Variants in CCM2 observed in about 807,000 individuals in gnomAD.
CCM2 encodes CCM2 scaffold protein, also known as cerebral cavernous malformations 2 protein.
Under a neutral mutation model 44.9 loss-of-function variants are expected in CCM2, and 25 were observed. That is an observed-to-expected ratio of 0.56 (90% CI 0.41 to 0.78). The LOEUF (loss-of-function observed/expected upper bound fraction) is 0.78. CCM2 is among the 30% of genes least tolerant of loss of function. The probability of loss-of-function intolerance (pLI) is 0.00; values close to 1 mark genes in which losing one functional copy is unlikely to be tolerated. For synonymous variants in CCM2, 219 were observed against 241.1 expected (o/e 0.91, Z 0.85); for missense variants, 481 against 580.6 (o/e 0.83, Z 1.76).
chr7:45,075,235 C>T (rs1334789275), intron 9 of CCM2, among the ~76,000 whole-genome samples: 2 of 152,362 alleles, frequency 1.3e-5, no homozygotes, highest in East Asian at 3.9e-4. Context: ...GTCTGCCCCT[C>T]CACATCGGGG....
chr7:45,033,919 A>G (rs1797086540), intron 1 of CCM2, among the ~76,000 whole-genome samples: 1 of 152,182 alleles, frequency 6.6e-6, no homozygotes, highest in Non-Finnish European at 1.5e-5. Flanking sequence ...AAATTGCATC[A>G]CTAAATTTTG....
intron 1 of CCM2, among the ~76,000 whole-genome samples, chr7:45,033,044 C>CA (rs60956411): frequency 0.67 from 38,927 of 58,058 alleles, 15,723 homozygotes; most frequent in East Asian, 0.92. Flanking sequence ...AACTCCGTCT[C>CA]AAAAAAAAAA....
chr7:45,038,502 G>A, intron 2 of CCM2, 76 bp downstream of exon 2: 1 of 1,458,740 alleles, frequency 6.9e-7, no homozygotes, highest in Non-Finnish European at 9.6e-7. Flanking sequence ...AGACACTCTT[G>A]AGTTTATAAG....
At chr7:45,014,528 G>C (rs1466588374) in intron 1 of CCM2, among the ~76,000 whole-genome samples, 1 of 151,606 alleles carries the variant, frequency 6.6e-6, no homozygotes, top group African/African-American at 2.4e-5. Flanking sequence ...GCCCACGCTA[G>C]TCTTGAACTC....
intron 1 of CCM2, among the ~76,000 whole-genome samples, chr7:45,002,795 C>T (rs567889687): frequency 6.6e-4 from 101 of 152,240 alleles, no homozygotes; most frequent in African/African-American, 2.2e-3. Context: ...CCATGAAACT[C>T]ACTGGGTGAT....
At chr7:45,023,328 T>C (rs1256327336) in intron 1 of CCM2, among the ~76,000 whole-genome samples, 1 of 152,086 alleles carries the variant, frequency 6.6e-6, no homozygotes, top group African/African-American at 2.4e-5. Flanking sequence ...GGAGGGTGGA[T>C]CACCTGAGGT....
At chr7:45,060,868 A>G (rs1475373564) in intron 2 of CCM2, among the ~76,000 whole-genome samples, 2 of 152,152 alleles carry the variant, frequency 1.3e-5, no homozygotes, top group East Asian at 1.9e-4. Flanking sequence ...AGCCATTACC[A>G]TATTAATCGT....
intron 1 of CCM2, among the ~76,000 whole-genome samples, chr7:45,011,253 A>G (rs1020610204): frequency 9.3e-5 from 14 of 151,246 alleles, no homozygotes; most frequent in African/African-American, 2.7e-4. Context: ...TTGGAGTGCA[A>G]TGGTGCGATC....
intron 1 of CCM2, among the ~76,000 whole-genome samples, chr7:45,034,384 G>A (rs1797111702): frequency 6.6e-6 from 1 of 151,744 alleles, no homozygotes. Flanking sequence ...GCTAATTTTT[G>A]GTATTTTAAG....
At chr7:45,062,837 A>AG (rs1259125406) in intron 2 of CCM2, among the ~76,000 whole-genome samples, 1 of 151,694 alleles carries the variant, frequency 6.6e-6, no homozygotes, top group Non-Finnish European at 1.5e-5. Flanking sequence ...AAAAAAAAAA[A>AG]AAAAATCGTA....
At position 45,076,069 on chromosome 7, in the gene CCM2, T is replaced by TG. The variant is rs3214691; in HGVS notation, c.*19dup. The TG allele has an allele frequency of 7.7e-5, 124 of 1,612,458 alleles. No individual in the cohort carries two copies. Among genetic ancestry groups the TG allele is most frequent in the Non-Finnish European group, 8.6e-5 (102 of 1,179,942 alleles). On this transcript the variant is annotated 3_prime_UTR_variant, in exon 10 of 10. Coordinates refer to ENST00000258781, the MANE Select transcript of CCM2 (RefSeq NM_031443.4). The stretch of plus-strand genomic sequence containing the variant: ...AGGACTCAGCATGATGGACAGTGGA[T>TG]GGGGGGGCACCCACACCTTCCGCGC...
chr7:45,072,108 G>A (rs1006590733), intron 6 of CCM2: 20 of 349,296 alleles, frequency 5.7e-5, no homozygotes, highest in African/African-American at 3.9e-4. Context: ...CACTGTCTGT[G>A]CTGGTGTGAA....
At chr7:45,042,317 C>T in intron 2 of CCM2, among the ~76,000 whole-genome samples, 1 of 147,552 alleles carries the variant, frequency 6.8e-6, no homozygotes, top group Admixed American at 6.8e-5. Context: ...GTTAAATTTT[C>T]TAGCATTTGT....
At chr7:45,045,707 C>T (rs1797721312) in intron 2 of CCM2, among the ~76,000 whole-genome samples, 1 of 152,178 alleles carries the variant, frequency 6.6e-6, no homozygotes, top group African/African-American at 2.4e-5. Context: ...AGGAGAACAG[C>T]ATGAACCCGG....
chr7:45,000,612 T>C (rs917681427), intron 1 of CCM2, among the ~76,000 whole-genome samples: 1 of 152,106 alleles, frequency 6.6e-6, no homozygotes, highest in African/African-American at 2.4e-5. Context: ...CCAGACGGCC[T>C]TCCCTGCGCG....
chr7:45,046,982 C>T (rs948436263), intron 2 of CCM2, among the ~76,000 whole-genome samples: 11 of 152,224 alleles, frequency 7.2e-5, no homozygotes, highest in Admixed American at 4.6e-4. Flanking sequence ...TGCTCAGCAT[C>T]ATTAGCCATC....
At chr7:45,035,632 G>A (rs911529240) in intron 1 of CCM2, among the ~76,000 whole-genome samples, 24 of 152,158 alleles carry the variant, frequency 1.6e-4, no homozygotes, top group African/African-American at 5.6e-4. Flanking sequence ...TGAAGAAGGC[G>A]GATGCAGGGG....
chr7:45,068,172 T>C (rs1798875605), intron 4 of CCM2: 3 of 517,394 alleles, frequency 5.8e-6, no homozygotes, highest in Non-Finnish European at 1.1e-5. Flanking sequence ...GGGTTGTATA[T>C]GTGGTCTGTT....
chr7:45,003,861 T>C (rs1221331843), intron 1 of CCM2, among the ~76,000 whole-genome samples: 1 of 152,196 alleles, frequency 6.6e-6, no homozygotes, highest in Non-Finnish European at 1.5e-5. Context: ...TACATTCATC[T>C]AGTTTATTTG....
Sources: gnomAD v4.1 joint callset for allele counts (sites outside exome capture counted in the v4.1 genomes callset) on GRCh38, gnomAD v4.1.1 for gene constraint, MANE v1.5 for transcripts, NCBI Gene and HGNC (gene_info 2026-07-23, HGNC 2026-07-21) for gene names.